RBFOX1: variants seen among roughly 807,000 people sequenced by gnomAD.
The protein encoded by RBFOX1 is RNA binding fox-1 homolog 1.
A neutral mutation model predicts 57.7 loss-of-function variants in RBFOX1; 8 were observed. That is an observed-to-expected ratio of 0.14 (90% CI 0.08 to 0.25). The LOEUF (loss-of-function observed/expected upper bound fraction) is 0.25. RBFOX1 is among the 10% of genes least tolerant of loss of function. RBFOX1 has a pLI of 1.00. For missense variants in RBFOX1, 611 were observed against 548.5 expected, an observed-to-expected ratio of 1.11 and a Z score of -1.14; for synonymous variants, 326 against 222.4, an observed-to-expected ratio of 1.47 and a Z score of -4.15.
intron 2 of RBFOX1, among the ~76,000 whole-genome samples, chr16:5,510,955 T>C (rs1318337979): frequency 6.6e-6 from 1 of 152,238 alleles, no homozygotes; most frequent in African/African-American, 2.4e-5. Context: ...CTGAATCACC[T>C]GTGCCTTGTA....
At chr16:6,769,665 C>T (rs916447050) in intron 3 of RBFOX1, among the ~76,000 whole-genome samples, 20 of 152,184 alleles carry the variant, frequency 1.3e-4, no homozygotes, top group Admixed American at 4.6e-4. Context: ...AGTGTATCTT[C>T]CATATCCCTC....
intron 4 of RBFOX1, among the ~76,000 whole-genome samples, chr16:5,936,497 G>A (rs1312235851): frequency 1.3e-5 from 2 of 152,180 alleles, no homozygotes; most frequent in East Asian, 3.9e-4. Context: ...TGTGAGCCAA[G>A]TTAATGAAAG....
At chr16:6,900,336 C>G (rs1172885375) in intron 3 of RBFOX1, among the ~76,000 whole-genome samples, 1 of 152,244 alleles carries the variant, frequency 6.6e-6, no homozygotes, top group Non-Finnish European at 1.5e-5. Context: ...CCCCCTGGAG[C>G]TACCACAAAA....
chr16:5,960,550 A>G (rs1165767728), intron 4 of RBFOX1, among the ~76,000 whole-genome samples: 1 of 152,170 alleles, frequency 6.6e-6, no homozygotes, highest in African/African-American at 2.4e-5. Context: ...TAAACCATGC[A>G]CATTTCCACC....
chr16:5,558,235 A>G (rs561372232), intron 2 of RBFOX1, among the ~76,000 whole-genome samples: 22 of 152,144 alleles, frequency 1.4e-4, no homozygotes, highest in African/African-American at 3.9e-4. Context: ...GGGTCTGTTG[A>G]GCTGATTAAC....
intron 3 of RBFOX1, among the ~76,000 whole-genome samples, chr16:6,757,949 C>T (rs72766718): frequency 0.27 from 40,406 of 151,914 alleles, 5,906 homozygotes; most frequent in South Asian, 0.36. Context: ...AGATTTTAAA[C>T]AATTACAACA....
chr16:7,122,315 AAACT>A (rs1173661581), intron 4 of RBFOX1, among the ~76,000 whole-genome samples: 1 of 152,154 alleles, frequency 6.6e-6, no homozygotes, highest in Non-Finnish European at 1.5e-5. Context: ...GAAAGCAAAC[AAACT>A]ATCTTAATAA....
intron 1 of RBFOX1, among the ~76,000 whole-genome samples, chr16:5,249,149 A>C (rs1204060430): frequency 6.6e-6 from 1 of 152,200 alleles, no homozygotes; most frequent in Non-Finnish European, 1.5e-5. Context: ...AACCTGCTCC[A>C]GGTGAGGCTG....
Position 6,089,078 on chromosome 16 carries a change from A to AAT in RBFOX1, c.-127+69103_-127+69104dup, listed in dbSNP as rs1555503293. Among the ~76,000 whole-genome samples, 148 of 137,680 alleles carry AAT rather than the reference A, an allele frequency of 1.1e-3. 1 individual carries two copies. The highest frequency in any genetic ancestry group is 2.1e-3 in the East Asian group (10 of 4,666). 90.3% of individuals were successfully genotyped at this position (137,680 alleles called of 152,430 possible). The stretch of plus-strand genomic sequence containing the variant: ...GAAACTCTGTCTCAAAAAAAAAAAA[A>AAT]ATATATATATATATATATGATCCTA... On this transcript the variant is annotated intron_variant, in intron 1 of 15. Transcript: ENST00000550418.
chr16:7,220,014 G>A (rs1429808848), intron 4 of RBFOX1, among the ~76,000 whole-genome samples: 1 of 152,086 alleles, frequency 6.6e-6, no homozygotes, highest in African/African-American at 2.4e-5. Context: ...TATCTTGTTC[G>A]ATTAAGCCTT....
chr16:7,434,439 T>A (rs1020388333), intron 4 of RBFOX1, among the ~76,000 whole-genome samples: 1 of 151,734 alleles, frequency 6.6e-6, no homozygotes, highest in African/African-American at 2.4e-5. Flanking sequence ...ACCACTGCAC[T>A]CCAGCCCGGG....
intron 3 of RBFOX1, among the ~76,000 whole-genome samples, chr16:6,986,582 G>A (rs1232582785): frequency 6.6e-6 from 1 of 152,128 alleles, no homozygotes; most frequent in East Asian, 1.9e-4. Flanking sequence ...ATGAGCTCCT[G>A]GGCCTGGCCC....
At chr16:6,214,951 A>AAAAG in intron 1 of RBFOX1, among the ~76,000 whole-genome samples, 1 of 112,304 alleles carries the variant, frequency 8.9e-6, no homozygotes, top group Non-Finnish European at 1.8e-5. Context: ...GGAGAGAGGG[A>AAAAG]GAGAGGGAGA....
intron 1 of RBFOX1, among the ~76,000 whole-genome samples, chr16:5,328,250 C>T (rs1236561716): frequency 6.6e-6 from 1 of 152,030 alleles, no homozygotes; most frequent in Non-Finnish European, 1.5e-5. Flanking sequence ...TTAAAGGGGC[C>T]CCTAATCCAA....
intron 3 of RBFOX1, among the ~76,000 whole-genome samples, chr16:7,035,246 G>A (rs534704839): frequency 6.6e-6 from 1 of 152,026 alleles, no homozygotes; most frequent in African/African-American, 2.4e-5. Context: ...TACTCCAAGT[G>A]AGAACTGTAC....
Position 5,947,330 on chromosome 16 carries a change from T to C in RBFOX1, c.351+79995T>C, listed in dbSNP as rs1349156138. ...GTCAGATCGCCATCGAATGGACACC[T>C]CTTTTTACAACCATGTGTTCTACAT... On this transcript the variant is annotated intron_variant, in intron 4 of 19. Transcript: ENST00000641259. The surrounding 1 kb of genome is among the most constrained non-coding windows in gnomAD (Gnocchi z 7.2). Among the ~76,000 whole-genome samples the C allele has an allele frequency of 6.6e-6, 1 of 152,154 alleles. No individual in the cohort carries two copies. Among genetic ancestry groups the C allele is most frequent in the African/African-American group, 2.4e-5 (1 of 41,426 alleles).
intron 3 of RBFOX1, among the ~76,000 whole-genome samples, chr16:5,807,264 G>T (rs1417413328): frequency 2.0e-5 from 3 of 152,142 alleles, no homozygotes; most frequent in Non-Finnish European, 2.9e-5. Flanking sequence ...GGGGGCTGTG[G>T]ATATGAATTG....
At chr16:7,567,422 T>C (rs2092070220) in intron 5 of RBFOX1, among the ~76,000 whole-genome samples, 2 of 139,946 alleles carry the variant, frequency 1.4e-5, no homozygotes, top group Non-Finnish European at 3.1e-5. Flanking sequence ...TATATATCCC[T>C]ATGTATGGCC....
At chr16:7,546,440 CG>C (rs1424055727) in intron 5 of RBFOX1, among the ~76,000 whole-genome samples, 1 of 152,144 alleles carries the variant, frequency 6.6e-6, no homozygotes, top group Non-Finnish European at 1.5e-5. Context: ...ACTAATACAA[CG>C]CAATCCCTTA....
Sources: gnomAD v4.1 joint callset for allele counts (sites outside exome capture counted in the v4.1 genomes callset) on GRCh38, gnomAD v4.1.1 for gene constraint, Gnocchi (gnomAD v3.1) non-coding constraint, MANE v1.5 for transcripts, NCBI Gene and HGNC (gene_info 2026-07-23, HGNC 2026-07-21) for gene names.